Variants in SLC66A2 observed in about 807,000 individuals in gnomAD.
The protein encoded by SLC66A2 is PQ loop repeat containing 1.
In SLC66A2, 23 loss-of-function variants were observed where a neutral mutation model predicts 25.5. That is an observed-to-expected ratio of 0.90 (90% CI 0.65 to 1.28). SLC66A2 has a LOEUF of 1.28. Among genes scored for constraint, SLC66A2 ranks in the 50% most tolerant of loss-of-function variants. The pLI is 0.00. For missense variants in SLC66A2, 396 were observed against 373.1 expected, an observed-to-expected ratio of 1.06 and a Z score of -0.51; for synonymous variants, 193 against 166.5, an observed-to-expected ratio of 1.16 and a Z score of -1.23.
At chr18:79,923,872 C>A (rs1221990088) in intron 4 of SLC66A2, among the ~76,000 whole-genome samples, 2 of 151,336 alleles carry the variant, frequency 1.3e-5, no homozygotes, top group African/African-American at 4.9e-5. Flanking sequence ...TCCATCTTTA[C>A]AAAAAAAATA....
chr18:79,912,176 G>GGAGGGGACGGCAGCAGC (rs1983325622), intron 5 of SLC66A2, among the ~76,000 whole-genome samples: 1 of 151,858 alleles, frequency 6.6e-6, no homozygotes, highest in African/African-American at 2.4e-5. Flanking sequence ...ATGGGAGCAG[G>GGAGGGGACGGCAGCAGC]GAGGGGACGG....
intron 5 of SLC66A2, among the ~76,000 whole-genome samples, chr18:79,909,945 C>T (rs1441606123): frequency 2.9e-5 from 4 of 139,270 alleles, no homozygotes; most frequent in Non-Finnish European, 6.2e-5. Context: ...AGTCCCCAAC[C>T]TTCCCCACAA....
At chr18:79,928,258 T>G (rs1463787870) in intron 4 of SLC66A2, among the ~76,000 whole-genome samples, 1 of 152,250 alleles carries the variant, frequency 6.6e-6, no homozygotes, top group Non-Finnish European at 1.5e-5. Flanking sequence ...TTGGGCTACC[T>G]ACTTCTAAAG....
At chr18:79,922,518 G>A (rs755513809) in intron 4 of SLC66A2, among the ~76,000 whole-genome samples, 6 of 152,144 alleles carry the variant, frequency 3.9e-5, no homozygotes, top group Middle Eastern at 3.4e-3. Context: ...CCTCGGCCAC[G>A]GTGCCGCTCA....
chr18:79,912,592 A>G (rs1983399625), intron 5 of SLC66A2, among the ~76,000 whole-genome samples: 1 of 152,004 alleles, frequency 6.6e-6, no homozygotes, highest in African/African-American at 2.4e-5. Flanking sequence ...GCCCATGGAG[A>G]TGGGAAGTGG....
At position 79,941,862 on chromosome 18, in the gene SLC66A2, T is replaced by C. The variant is rs1201815408; in HGVS notation, c.337+1467A>G. The C allele has an allele frequency of 6.6e-6, 1 of 151,766 alleles. No homozygotes were observed. Among genetic ancestry groups the C allele is most frequent in the Non-Finnish European group, 1.5e-5 (1 of 68,014 alleles). 9.4% of individuals were successfully genotyped at this position (151,766 alleles called of 1,614,324 possible). A position where few individuals can be genotyped will look rare whatever the true frequency, so the allele number is the denominator to read the frequency against. Reference sequence around the variant, plus strand: ...ACAGCAGAAACACCCAGCAACGCACTGGGCATCTTAGGCACAAATGTCCAG... The same window carrying C: ...ACAGCAGAAACACCCAGCAACGCACCGGGCATCTTAGGCACAAATGTCCAG... On this transcript the variant is annotated intron_variant, in intron 3 of 5. Transcript: ENST00000397778. The surrounding 1 kb of genome is among the most constrained non-coding windows in gnomAD (Gnocchi z 4.1).
At chr18:79,924,247 A>G (rs1389723423) in intron 4 of SLC66A2, among the ~76,000 whole-genome samples, 2 of 152,192 alleles carry the variant, frequency 1.3e-5, no homozygotes, top group Admixed American at 1.3e-4. Context: ...GTGGAGTATT[A>G]GCCACAAAAA....
intron 5 of SLC66A2, among the ~76,000 whole-genome samples, chr18:79,916,514 G>A (rs1984182655): frequency 6.6e-6 from 1 of 152,228 alleles, no homozygotes. Context: ...AACAGACCCT[G>A]CTGGGTTCAC....
chr18:79,904,039 G>T lies in SLC66A2; in HGVS notation c.753C>A (p.Phe251Leu). 6.2e-7 allele frequency: 1 copy of T among 1,606,916 alleles called. No individual in the cohort carries two copies. Among genetic ancestry groups the T allele is most frequent in the Admixed American group, 1.7e-5 (1 of 58,994 alleles). The change falls in exon 6 of 6, where the codon TTC (phenylalanine) becomes TTA (leucine). Residue 251 changes from phenylalanine to leucine, a missense_variant. Coordinates refer to ENST00000397778, the MANE Select transcript of SLC66A2 (RefSeq NM_025078.5). The surrounding 1 kb of genome is among the most constrained non-coding windows in gnomAD (Gnocchi z 6.3). The stretch of plus-strand genomic sequence containing the variant: ...GCGCCGGCTTCTGGGGGTGGCGGGC[G>T]AAGGCGTAGGCCTGCCCCAGGATGG... Reference protein sequence around the residue: ...DLAILGQAYAFARHPQKPAPH... With the variant: ...DLAILGQAYALARHPQKPAPH...
In SLC66A2 at chr18:79,927,015, C is replaced by T. The variant is rs1180173362; in HGVS notation, c.391+6954G>A. On this transcript the variant is annotated intron_variant, in intron 4 of 5. Transcript: ENST00000397778. The surrounding 1 kb of genome is among the most constrained non-coding windows in gnomAD (Gnocchi z 6.2). ...GTATTTTTAAAAATACAAATCGACT[C>T]TCCAGGAAAAAACAAAAAAACGAAA... Among the ~76,000 whole-genome samples the T allele has an allele frequency of 2.6e-5, 4 of 152,342 alleles. No homozygotes were observed. The highest frequency in any genetic ancestry group is 4.4e-5 in the Non-Finnish European group (3 of 68,032).
intron 2 of SLC66A2, among the ~76,000 whole-genome samples, chr18:79,950,121 T>C (rs758170955): frequency 2.0e-5 from 3 of 151,948 alleles, no homozygotes; most frequent in Non-Finnish European, 4.4e-5. Flanking sequence ...TGGGGAGGGA[T>C]GCTTGAGGCC....
chr18:79,945,869 G>A (rs1184363989), intron 2 of SLC66A2, among the ~76,000 whole-genome samples: 8 of 152,258 alleles, frequency 5.3e-5, no homozygotes, highest in Non-Finnish European at 8.8e-5. Flanking sequence ...AAGCGGCCTG[G>A]GTGCCGGTCA....
intron 2 of SLC66A2, among the ~76,000 whole-genome samples, chr18:79,948,510 T>C (rs1013913966): frequency 2.6e-5 from 4 of 152,138 alleles, no homozygotes; most frequent in Admixed American, 6.5e-5. Flanking sequence ...TAAGCTAATG[T>C]TTCAATTTTT....
chr18:79,910,305 C>A (rs1599495586), intron 5 of SLC66A2, among the ~76,000 whole-genome samples: 1 of 104,382 alleles, frequency 9.6e-6, no homozygotes. Context: ...CACCAGAGTC[C>A]CCAACCTTCC....
At chr18:79,946,355 G>C (rs1332808888) in intron 2 of SLC66A2, among the ~76,000 whole-genome samples, 1 of 152,264 alleles carries the variant, frequency 6.6e-6, no homozygotes, top group African/African-American at 2.4e-5. Flanking sequence ...AATTAAAATA[G>C]ATGCCACATT....
rs1207453850 is a variant in SLC66A2 at position 79,902,887 on chromosome 18, C to A, written c.*1089G>T. ...AGGGTCAGACTGGCGGCTCCCACTG[C>A]AGCCAGAAGTGAGGGAGCCAGCACA... On this transcript the variant is annotated 3_prime_UTR_variant, in exon 6 of 6. Transcript: ENST00000397778. 6.5e-6 allele frequency: 1 copy of A among 152,876 alleles called. No homozygotes were observed. The highest frequency in any genetic ancestry group is 1.9e-4 in the East Asian group (1 of 5,220). The allele number at this position is 152,876 out of a possible 1,614,324, so 9.5% of individuals were successfully genotyped here. A position where few individuals can be genotyped will look rare whatever the true frequency, so the allele number is the denominator to read the frequency against.
Position 79,906,963 on chromosome 18 carries a change from C to T in SLC66A2, c.609-2780G>A, listed in dbSNP as rs564105027. 3.3e-5 allele frequency among the ~76,000 whole-genome samples: 5 copies of T among 152,296 alleles called. No homozygotes were observed. The South Asian group carries it at 1.0e-3, about 32-fold the overall frequency. The stretch of plus-strand genomic sequence containing the variant: ...TTTACTTTGCCTGATATTAATACAG[C>T]GACTCCAAGCTTTCTTTGGTTCATA... On this transcript the variant is annotated intron_variant, in intron 5 of 5. Transcript: ENST00000397778.
At chr18:79,916,318 T>TCCCATA (rs1568302742) in intron 5 of SLC66A2, among the ~76,000 whole-genome samples, 3 of 150,590 alleles carry the variant, frequency 2.0e-5, no homozygotes, top group Non-Finnish European at 3.0e-5. Flanking sequence ...CCCGTGGTGC[T>TCCCATA]CCCGTACCCA....
chr18:79,950,831 G>T lies in SLC66A2; in HGVS notation c.96C>A (p.Pro32=), dbSNP rs201497747. The T allele has an allele frequency of 1.1e-5, 17 of 1,612,444 alleles. No individual in the cohort carries two copies. The highest frequency in any genetic ancestry group is 1.4e-5 in the Non-Finnish European group (16 of 1,179,828). The change falls in exon 2 of 6, where the codon CCC becomes CCA. Residue 32 remains proline, a synonymous_variant. Transcript: ENST00000397778. Reference sequence around the variant, plus strand: ...GAATGTCCCGATACTGCGGGACGTAGGGCACCACCCCTCCGAAGACCATGG... The same window carrying T: ...GAATGTCCCGATACTGCGGGACGTATGGCACCACCCCTCCGAAGACCATGG... The part of the protein sequence containing the change: ...AAAMVFGGVV[P]YVPQYRDIRR...
Sources: allele counts gnomAD v4.1 joint callset (sites outside exome capture counted in the v4.1 genomes callset), GRCh38; gene constraint gnomAD v4.1.1; non-coding constraint Gnocchi (gnomAD v3.1); transcripts MANE v1.5; gene names NCBI Gene and HGNC (gene_info 2026-07-23, HGNC 2026-07-21).